Variants in EXOSC4 observed in about 807,000 individuals in gnomAD.
EXOSC4 encodes the protein exosome component 4.
In EXOSC4, 14 loss-of-function variants were observed where a neutral mutation model predicts 20.0. The observed-to-expected ratio is 0.70, with a 90% confidence interval of 0.46 to 1.09. EXOSC4 has a LOEUF of 1.09. Ranked by LOEUF, EXOSC4 falls within the 50% of genes least tolerant of loss-of-function variation. The pLI, the probability that EXOSC4 is intolerant of heterozygous loss-of-function variation, is 0.00. For synonymous variants in EXOSC4, 148 were observed against 146.4 expected (o/e 1.01, Z -0.08); for missense variants, 337 against 334.0 (o/e 1.01, Z -0.07).
the EXOSC4 span, among the ~76,000 whole-genome samples, chr8:144,070,571 A>G: frequency 6.6e-6 from 1 of 150,680 alleles, no homozygotes; most frequent in Non-Finnish European, 1.5e-5. Context: ...TCATGCCTAT[A>G]ATCTCAGCAC....
chr8:144,069,160 C>T, the EXOSC4 span, among the ~76,000 whole-genome samples: 1 of 152,192 alleles, frequency 6.6e-6, no homozygotes, highest in African/African-American at 2.4e-5. Flanking sequence ...AAGAAAGGAT[C>T]CTGCAGATAC....
the EXOSC4 span, among the ~76,000 whole-genome samples, chr8:144,069,313 C>G: frequency 6.6e-6 from 1 of 152,224 alleles, no homozygotes; most frequent in Non-Finnish European, 1.5e-5. Flanking sequence ...AACTTACTAT[C>G]TTACAGTCCC....
At chr8:144,071,133 A>T in the EXOSC4 span, among the ~76,000 whole-genome samples, 1 of 150,712 alleles carries the variant, frequency 6.6e-6, no homozygotes. Context: ...AGTTGATGTG[A>T]TATACGCTCT....
Position 144,078,975 on chromosome 8 carries a change from G to T in EXOSC4, c.171+76G>T. ...CAGCCGGGCTGAGCGCTGGCTCGGG[G>T]ACTTGAGGGGCAACGGCCGGCGCGC... On this transcript the variant is annotated intron_variant, in intron 1 of 2. Coordinates refer to ENST00000316052, the MANE Select transcript of EXOSC4 (RefSeq NM_019037.3). This position sits in a 1 kb window ranked among gnomAD's most constrained non-coding sequence, Gnocchi z 4.7. 7.3e-7 allele frequency: 1 copy of T among 1,361,152 alleles called. No homozygotes were observed. Among genetic ancestry groups the T allele is most frequent in the East Asian group, 3.0e-5 (1 of 33,390 alleles). 84.3% of individuals were successfully genotyped at this position (1,361,152 alleles called of 1,614,324 possible). A position where few individuals can be genotyped will look rare whatever the true frequency, so the allele number is the denominator to read the frequency against.
At chr8:144,073,850 CAAAA>C (rs145859393), upstream of EXOSC4, among the ~76,000 whole-genome samples, 1 of 133,832 alleles carries the variant, frequency 7.5e-6, no homozygotes, top group Non-Finnish European at 1.6e-5. Context: ...GACTCTGTCT[CAAAA>C]AAAAAAAAAA....
chr8:144,080,589 G>T lies in EXOSC4; in HGVS notation c.726G>T (p.Leu242Phe), dbSNP rs1835892135. Reference protein sequence around the residue: ...VRQHVREASILLGD With the variant: ...VRQHVREASIFLGD ...AGCATGTGCGTGAGGCCTCTATCTT[G>T]CTGGGGGACTGACCACCCAGCCACC... is the stretch of plus-strand genomic sequence containing the variant. Residue 242 changes from leucine (L) to phenylalanine (F), a missense_variant, in exon 3 of 3, where the codon TTG becomes TTT. Leu to Phe is a conservative substitution (Grantham distance 22, BLOSUM62 0). Transcript: ENST00000316052. The surrounding 1 kb of genome is among the most constrained non-coding windows in gnomAD (Gnocchi z 4.9). 1.3e-6 allele frequency: 2 copies of T among 1,597,498 alleles called. No individual in the cohort carries two copies. Among genetic ancestry groups the T allele is most frequent in the East Asian group, 2.2e-5 (1 of 44,840 alleles).
At chr8:144,077,069 CAAAAA>C (rs34195797), upstream of EXOSC4, among the ~76,000 whole-genome samples, 4 of 98,066 alleles carry the variant, frequency 4.1e-5, no homozygotes, top group African/African-American at 1.3e-4. Flanking sequence ...ACTCCATCTC[CAAAAA>C]AAAAAAAAAA....
upstream of EXOSC4, among the ~76,000 whole-genome samples, chr8:144,074,826 A>G (rs1835822301): frequency 6.6e-6 from 1 of 151,984 alleles, no homozygotes; most frequent in Non-Finnish European, 1.5e-5. Flanking sequence ...CTCCTGCCTC[A>G]GCTTCCCAAA....
chr8:144,079,695 C>A (rs1554763196), intron 1 of EXOSC4: 2 of 667,580 alleles, frequency 3.0e-6, no homozygotes, highest in South Asian at 3.0e-5. Context: ...GAGACAGAAG[C>A]AGCGTTGATG....
chr8:144,070,142 G>A, the EXOSC4 span, among the ~76,000 whole-genome samples: 6 of 152,160 alleles, frequency 3.9e-5, no homozygotes, highest in East Asian at 3.8e-4. Context: ...TCAAGGTCCC[G>A]GTGTGGGTTC....
upstream of EXOSC4, among the ~76,000 whole-genome samples, chr8:144,075,688 T>C (rs1174685916): frequency 2.0e-5 from 3 of 152,198 alleles, no homozygotes; most frequent in African/African-American, 7.2e-5. Context: ...TTTCTACATA[T>C]AGAAGGTTAC....
At chr8:144,068,526 C>T in the EXOSC4 span, among the ~76,000 whole-genome samples, 150,145 of 152,284 alleles carry the variant, frequency 0.99, 74,147 homozygotes, top group Middle Eastern at 1. Context: ...GGGGAAGTGA[C>T]GCTCTGTGTT....
chr8:144,072,037 T>A, the EXOSC4 span, among the ~76,000 whole-genome samples: 1 of 152,198 alleles, frequency 6.6e-6, no homozygotes, highest in Non-Finnish European at 1.5e-5. Context: ...TGTGATACTG[T>A]GTTACATGCA....
rs1346064475 is a variant in EXOSC4, at chr8:144,080,580, C to T, written c.717C>T (p.Ala239=). 2 of 1,598,506 alleles carry T rather than the reference C, an allele frequency of 1.3e-6. No individual in the cohort carries two copies. The highest frequency in any genetic ancestry group is 1.7e-6 in the Non-Finnish European group (2 of 1,179,522). The change falls in exon 3 of 3, where the codon GCC becomes GCT. Residue 239 remains alanine, a synonymous_variant. Coordinates refer to ENST00000316052, the MANE Select transcript of EXOSC4 (RefSeq NM_019037.3). This position sits in a 1 kb window ranked among gnomAD's most constrained non-coding sequence, Gnocchi z 4.9. ...TGGTCCGGCAGCATGTGCGTGAGGCCTCTATCTTGCTGGGGGACTGACCAC... is the reference window on the plus strand; with the variant it reads ...TGGTCCGGCAGCATGTGCGTGAGGCTTCTATCTTGCTGGGGGACTGACCAC... ...DRVVRQHVRE[A]SILLGD
the EXOSC4 span, among the ~76,000 whole-genome samples, chr8:144,067,435 A>C: frequency 6.6e-6 from 1 of 152,214 alleles, no homozygotes; most frequent in South Asian, 2.1e-4. Context: ...GGGGAGTCTC[A>C]GAGCAAGGAA....
upstream of EXOSC4, among the ~76,000 whole-genome samples, chr8:144,076,780 A>G (rs538288139): frequency 6.6e-6 from 1 of 152,198 alleles, no homozygotes. Context: ...CGCATGCGGC[A>G]AGGACTGTCA....
chr8:144,078,861 A>T lies in EXOSC4; in HGVS notation c.133A>T (p.Asn45Tyr). The T allele has an allele frequency of 6.4e-7, 1 of 1,553,302 alleles. No individual in the cohort carries two copies. The highest frequency in any genetic ancestry group is 8.7e-7 in the Non-Finnish European group (1 of 1,150,664). The change falls in exon 1 of 3, where the codon AAC becomes TAC. Residue 45 changes from asparagine (N) to tyrosine (Y), a missense_variant. Transcript: ENST00000316052. This position sits in a 1 kb window ranked among gnomAD's most constrained non-coding sequence, Gnocchi z 4.7. ...ADGSAYIEQG[N>Y]TKALAVVYGP... ...CGGCTCGGCCTACATTGAGCAGGGC[A>T]ACACCAAGGCACTGGCTGTGGTCTA...
chr8:144,079,247 T>TC lies in EXOSC4; in HGVS notation c.171+348_171+349insC, dbSNP rs540517005. ...GTACTTCTCGCCCTACAATAAACCC[T>TC]TTGTTTTGTGCACCTACAATCTCAA... On this transcript the variant is annotated intron_variant, in intron 1 of 2. Transcript: ENST00000316052. 527 of 245,324 alleles carry TC rather than the reference T, an allele frequency of 2.1e-3. 3 individuals are homozygous for TC. Among genetic ancestry groups the TC allele is most frequent in the African/African-American group, 0.013 (503 of 39,760 alleles). The allele number at this position is 245,324 out of a possible 1,614,324, so 15.2% of individuals were successfully genotyped here.
At chr8:144,067,251 T>TCA in the EXOSC4 span, among the ~76,000 whole-genome samples, 1 of 152,228 alleles carries the variant, frequency 6.6e-6, no homozygotes, top group African/African-American at 2.4e-5. Flanking sequence ...GTGAATAAGA[T>TCA]GGACTTTACT....
Sources: allele counts gnomAD v4.1 joint callset (sites outside exome capture counted in the v4.1 genomes callset), GRCh38; gene constraint gnomAD v4.1.1; non-coding constraint Gnocchi (gnomAD v3.1); transcripts MANE v1.5; gene names NCBI Gene and HGNC (gene_info 2026-07-23, HGNC 2026-07-21).